PNKP: variants seen among roughly 807,000 people sequenced by gnomAD.
PNKP encodes polynucleotide kinase 3'-phosphatase.
A neutral mutation model predicts 66.2 loss-of-function variants in PNKP; 82 were observed. That is an observed-to-expected ratio of 1.24 (90% confidence interval 1.04 to 1.49). The LOEUF (loss-of-function observed/expected upper bound fraction) is 1.49. PNKP is among the 40% of genes most tolerant of loss of function. The pLI, the probability that PNKP is intolerant of heterozygous loss-of-function variation, is 0.00. For synonymous variants in PNKP, 412 were observed against 298.9 expected, an observed-to-expected ratio of 1.38 and a Z score of -3.90; for missense variants, 907 against 706.8, an observed-to-expected ratio of 1.28 and a Z score of -3.21.
rs376371644 is a variant in PNKP at position 49,863,675 on chromosome 19, G to A, written c.816+14C>T. The A allele has an allele frequency of 1.9e-5, 30 of 1,548,274 alleles. No homozygotes were observed. In the African/African-American group the frequency reaches 3.8e-4, roughly 20 times the overall value. On this transcript the variant is annotated intron_variant, in intron 8 of 16. Coordinates refer to ENST00000322344, the MANE Select transcript of PNKP (RefSeq NM_007254.4). ...GAGGAAAAGGAGGGGGGCCGGGCAG[G>A]CTGCAAGACTCACCTGCTCCTGCAG...
At position 49,862,184 on chromosome 19, in the gene PNKP, C is replaced by A; in HGVS notation, c.1126+1G>T. On this transcript the variant is annotated splice_donor_variant, in intron 12 of 16. Transcript: ENST00000322344. LOFTEE classifies it high-confidence loss of function. Reference sequence around the variant, plus strand: ...CACGCGCACAGGAACAGGACACTTACCCCCAGGGAATCCCACTGCGACAAC... The same window carrying A: ...CACGCGCACAGGAACAGGACACTTAACCCCAGGGAATCCCACTGCGACAAC... 1.2e-6 allele frequency: 2 copies of A among 1,613,752 alleles called. No individual in the cohort carries two copies. The highest frequency in any genetic ancestry group is 1.7e-6 in the Non-Finnish European group (2 of 1,179,724).
intron 4 of PNKP, among the ~76,000 whole-genome samples, chr19:49,864,891 G>A (rs571933966): frequency 1.3e-5 from 2 of 152,320 alleles, no homozygotes; most frequent in African/African-American, 4.8e-5. Context: ...CATCGTAATA[G>A]CTCCTACTGA....
rs367883177 is a variant in PNKP, at chr19:49,865,193, G to T, written c.432C>A (p.Asn144Lys). 8 of 1,614,236 alleles carry T rather than the reference G, an allele frequency of 5.0e-6. No individual in the cohort carries two copies. Among genetic ancestry groups the T allele is most frequent in the Middle Eastern group, 3.3e-4 (2 of 6,060 alleles). Residue 144 changes from asparagine (N) to lysine (K), a missense_variant, in exon 4 of 17, where the codon AAC becomes AAA. Transcript: ENST00000322344. ...ACTTCTCCAAGTTCTCCCAGCCGGG[G>T]TTTGACTTCCGCATACGCTTCTTCG... ...ELPKKRMRKS[N>K]PGWENLEKLL...
At chr19:49,862,508 C>T (rs770329685) in intron 10 of PNKP, 30 bp downstream of exon 10, 22 of 1,600,946 alleles carry the variant, frequency 1.4e-5, no homozygotes, top group African/African-American at 1.3e-4. Context: ...GGGTCGGGCT[C>T]GGGCGCGGGG....
Position 49,865,476 on chromosome 19 carries a change from C to G in PNKP, c.199-50G>C, listed in dbSNP as rs1172853263. On this transcript the variant is annotated intron_variant, in intron 3 of 16. Transcript: ENST00000322344. ...GGACTGGCTCCGCCCCCACCGGGAG[C>G]TTCCTCCAATCAAATACCCAGCGGA... 2.1e-6 allele frequency: 3 copies of G among 1,395,828 alleles called. No homozygotes were observed. In the African/African-American group the frequency reaches 4.3e-5, roughly 20 times the overall value. The allele number at this position is 1,395,828 out of a possible 1,614,324, so 86.5% of individuals were successfully genotyped here.
In PNKP at chr19:49,861,685, A is replaced by G. The variant is rs772111430; in HGVS notation, c.1309T>C (p.Cys437Arg). The G allele has an allele frequency of 2.6e-6, 4 of 1,547,372 alleles. No individual in the cohort carries two copies. The highest frequency in any genetic ancestry group is 1.4e-5 in the African/African-American group (1 of 72,926). The stretch of plus-strand genomic sequence containing the variant: ...CAGGGGACGCCCGCGGCTCGGGCAC[A>G]CTGGACGTACCTGTGGGGGAAGGAG... ...DAASRARYVQ[C>R]ARAAGVPCRC... The change falls in exon 15 of 17, where the codon TGT becomes CGT. Residue 437 changes from cysteine (C) to arginine (R), a missense_variant. By Grantham distance (180) the Cys-to-Arg change is radical. Transcript: ENST00000322344.
At chr19:49,861,577 C>T (rs2074761414) in intron 15 of PNKP, 31 bp downstream of exon 15, 3 of 1,557,632 alleles carry the variant, frequency 1.9e-6, no homozygotes, top group Non-Finnish European at 2.6e-6. Flanking sequence ...GGGGGTGCAG[C>T]CCGGGGGGTG....
chr19:49,861,564 TCAGGGGGTG>T (rs1568658447), intron 15 of PNKP, 35 bp downstream of exon 15: 1 of 1,079,376 alleles, frequency 9.3e-7, no homozygotes, highest in East Asian at 3.0e-5. Flanking sequence ...AGGAGGGGGG[TCAGGGGGTG>T]CAGCCCGGGG....
At position 49,861,342 on chromosome 19, in the gene PNKP, A is replaced by G; in HGVS notation, c.1472T>C (p.Leu491Pro). The G allele has an allele frequency of 1.2e-6, 2 of 1,614,166 alleles. No homozygotes were observed. The highest frequency in any genetic ancestry group is 1.7e-6 in the Non-Finnish European group (2 of 1,180,012). The change falls in exon 17 of 17, where the codon CTG becomes CCG. Residue 491 changes from leucine (L) to proline (P), a missense_variant. Transcript: ENST00000322344. ...GYRKQFEAPT[L>P]AEGFSAILEI... is the part of the protein sequence containing the mutation. ...CAGGATGGCAGAGAAGCCTTCAGCC[A>G]GCGTTGGGGCCTCGAACTGCTTCCT...
chr19:49,862,688 A>ACCTC lies in PNKP; in HGVS notation c.863_865+1dup. 1.2e-6 allele frequency: 2 copies of ACCTC among 1,613,902 alleles called. No homozygotes were observed. The highest frequency in any genetic ancestry group is 1.7e-6 in the Non-Finnish European group (2 of 1,179,930). On this transcript the variant is annotated splice_donor_variant, in intron 9 of 16. Transcript: ENST00000322344. LOFTEE classifies it high-confidence loss of function. Reference sequence around the variant, plus strand: ...CACCCTCAGCAGCCTCCAGGCCCTTACCTCCCACAAAGATGCTGTCCCCGA... The same window carrying ACCTC: ...CACCCTCAGCAGCCTCCAGGCCCTTACCTCCCTCCCACAAAGATGCTGTCCCCGA...
rs1370383594 is a variant in PNKP at position 49,862,706 on chromosome 19, G to A, written c.849C>T (p.Asp283=). 5 of 1,614,118 alleles carry A rather than the reference G, an allele frequency of 3.1e-6. No homozygotes were observed. Among genetic ancestry groups the A allele is most frequent in the Non-Finnish European group, 4.2e-6 (5 of 1,179,968 alleles). Residue 283 remains aspartate, a synonymous_variant, in exon 9 of 17, where the codon GAC becomes GAT. Transcript: ENST00000322344. ...ANDGTPISIG[D]SIFVGDAAGR... is the part of the protein sequence containing the mutation. The stretch of plus-strand genomic sequence containing the variant: ...GGCCCTTACCTCCCACAAAGATGCT[G>A]TCCCCGATGGATATGGGCGTGCCGT...
At chr19:49,865,867 C>G (rs1328653952) in intron 3 of PNKP, 1 of 230,634 alleles carries the variant, frequency 4.3e-6, no homozygotes, top group East Asian at 1.2e-4. Flanking sequence ...GCCCGCCTAG[C>G]CTCCCAAAGT....
rs774601739 is a variant in PNKP, at chr19:49,864,239, A to G, written c.579-3T>C. On this transcript the variant is annotated splice_polypyrimidine_tract_variant and splice_region_variant and intron_variant, in intron 5 of 16. Transcript: ENST00000322344. Reference sequence around the variant, plus strand: ...GGGGAATCTCTGGGTACAAGATCCTACGGCAGGTATGAAGCGGCAGGGGTG... The same window carrying G: ...GGGGAATCTCTGGGTACAAGATCCTGCGGCAGGTATGAAGCGGCAGGGGTG... The G allele has an allele frequency of 1.2e-6, 2 of 1,614,058 alleles. No individual in the cohort carries two copies. Among genetic ancestry groups the G allele is most frequent in the East Asian group, 2.2e-5 (1 of 44,882 alleles).
chr19:49,865,268 C>A lies in PNKP; in HGVS notation c.357G>T (p.Pro119=). ...TRTPESQPDT[P]PGTPLVSQDE... ...CTTGGGACACCAGAGGGGTGCCAGG[C>A]GGAGTATCTGGCTGGGATTCTGGTG... The change falls in exon 4 of 17, where the codon CCG becomes CCT. Residue 119 remains proline, a synonymous_variant. Coordinates refer to ENST00000322344, the MANE Select transcript of PNKP (RefSeq NM_007254.4). 2 of 1,614,208 alleles carry A rather than the reference C, an allele frequency of 1.2e-6. No individual in the cohort carries two copies. Among genetic ancestry groups the A allele is most frequent in the Non-Finnish European group, 1.7e-6 (2 of 1,180,032 alleles).
rs780449107 is a variant in PNKP at position 49,866,065 on chromosome 19, TAC to T, written c.198+332_198+333del. ...TCTCGCTCTGTCACCCAGGCTGAAG[TAC>T]AGTGTGGTGATCACTGCTCACTACA... is the stretch of plus-strand genomic sequence containing the variant. On this transcript the variant is annotated intron_variant, in intron 3 of 16. Coordinates refer to ENST00000322344, the MANE Select transcript of PNKP (RefSeq NM_007254.4). 15 of 399,958 alleles carry T rather than the reference TAC, an allele frequency of 3.8e-5. No individual in the cohort carries two copies. In the East Asian group the frequency reaches 6.1e-4, roughly 16 times the overall value. The allele number at this position is 399,958 out of a possible 1,614,324, so 24.8% of individuals were successfully genotyped here. A position where few individuals can be genotyped will look rare whatever the true frequency, so the allele number is the denominator to read the frequency against.
chr19:49,861,585 G>A (rs758058664), intron 15 of PNKP, 23 bp downstream of exon 15: 2 of 1,560,620 alleles, frequency 1.3e-6, no homozygotes, highest in Non-Finnish European at 1.7e-6. Flanking sequence ...AGCCCGGGGG[G>A]TGTCCGGGCT....
Position 49,865,363 on chromosome 19 carries a change from C to G in PNKP, c.262G>C (p.Gly88Arg), listed in dbSNP as rs751987662. 1.2e-6 allele frequency: 2 copies of G among 1,613,370 alleles called. No homozygotes were observed. The highest frequency in any genetic ancestry group is 2.2e-5 in the East Asian group (1 of 44,856). The change falls in exon 4 of 17, where the codon GGG (glycine) becomes CGG (arginine). Residue 88 changes from glycine to arginine, a missense_variant. Transcript: ENST00000322344. ...ELKPGLEGSL[G>R]VGDTLYLVNG... ...ACCAAATACAGTGTGTCCCCCACCC[C>G]CAGAGAGCCCTCCAACCCCGGCTTC...
In PNKP at chr19:49,861,356, G is replaced by T. The variant is rs780614119; in HGVS notation, c.1458C>A (p.Phe486Leu). The change falls in exon 17 of 17, where the codon TTC (phenylalanine) becomes TTA (leucine). Residue 486 changes from phenylalanine to leucine, a missense_variant. Transcript: ENST00000322344. ...AGCCTTCAGCCAGCGTTGGGGCCTC[G>T]AACTGCTTCCTGGCAGTGGTGGGAA... ...DMVMYGYRKQ[F>L]EAPTLAEGFS... 6.2e-7 allele frequency: 1 copy of T among 1,614,002 alleles called. No homozygotes were observed. Among genetic ancestry groups the T allele is most frequent in the African/African-American group, 1.3e-5 (1 of 74,922 alleles).
rs3729530 is a variant in PNKP, at chr19:49,867,382, G to A, written c.-14+87C>T. On this transcript the variant is annotated intron_variant, in intron 1 of 16. Transcript: ENST00000322344. ...ACCCGTTTCCCAGGCGACGACGCGT[G>A]CTCCATCCCTCCCCGAGTTGCAATC... The A allele has an allele frequency of 0.021, 14,564 of 680,994 alleles. 742 individuals are homozygous for A. Among genetic ancestry groups the A allele is most frequent in the Admixed American group, 0.13 (4,555 of 35,892 alleles). The allele number at this position is 680,994 out of a possible 1,614,324, so 42.2% of individuals were successfully genotyped here.
Sources: allele counts gnomAD v4.1 joint callset (sites outside exome capture counted in the v4.1 genomes callset), GRCh38; gene constraint gnomAD v4.1.1; transcripts MANE v1.5; gene names NCBI Gene and HGNC (gene_info 2026-07-23, HGNC 2026-07-21).